The following ATG9A variants were observed in gnomAD, a reference collection of about 807,000 sequenced individuals.
ATG9A encodes autophagy-related protein 9A.
A neutral mutation model predicts 87.1 loss-of-function variants in ATG9A; 21 were observed. The observed-to-expected ratio is 0.24, with a 90% CI of 0.17 to 0.35. The LOEUF is 0.35. Among genes scored for constraint, ATG9A ranks in the 10% least tolerant of loss-of-function variants. The pLI is 1.00. For synonymous variants in ATG9A, 422 were observed against 441.3 expected (o/e 0.96, Z 0.55); for missense variants, 836 against 1,107.3 (o/e 0.76, Z 3.48).
chr2:219,221,040 C>A (rs1339742269), intron 14 of ATG9A, 40 bp downstream of exon 14: 5 of 1,605,944 alleles, frequency 3.1e-6, no homozygotes, highest in Middle Eastern at 3.3e-4. Flanking sequence ...AACCACCCTT[C>A]CCTGCAGCCT....
At position 219,223,716 on chromosome 2, in the gene ATG9A, G is replaced by C; in HGVS notation, c.1468C>G (p.Leu490Val). 6.2e-7 allele frequency: 1 copy of C among 1,613,720 alleles called. No individual in the cohort carries two copies. Among genetic ancestry groups the C allele is most frequent in the South Asian group, 1.1e-5 (1 of 91,084 alleles). ...GCCCGTGGGCGCAGGCAGAAGATGA[G>C]GATGAGGGGTGTGACAATGGGGCTC... The part of the protein sequence containing the change: ...LLSPIVTPLI[L>V]IFCLRPRALE... The change falls in exon 10 of 16, where the codon CTC becomes GTC. Residue 490 changes from leucine to valine, a missense_variant. By Grantham distance (32) the Leu-to-Val change is conservative. Transcript: ENST00000361242. This position sits in a 1 kb window ranked among gnomAD's most constrained non-coding sequence, Gnocchi z 4.7.
Position 219,224,035 on chromosome 2 carries a change from G to A in ATG9A, c.1266-13C>T, listed in dbSNP as rs1254784784. 1 of 1,607,072 alleles carries A rather than the reference G, an allele frequency of 6.2e-7. No individual in the cohort carries two copies. Among genetic ancestry groups the A allele is most frequent in the Non-Finnish European group, 8.5e-7 (1 of 1,175,896 alleles). On this transcript the variant is annotated splice_polypyrimidine_tract_variant and intron_variant, in intron 8 of 15. Transcript: ENST00000361242. The surrounding 1 kb of genome is among the most constrained non-coding windows in gnomAD (Gnocchi z 7.7). The stretch of plus-strand genomic sequence containing the variant: ...CGGGATAAAGGACCTAGTGGGATCA[G>A]GATCATGGTGAGATGTATGCCTTTC...
chr2:219,220,482 T>C (rs748305674), intron 15 of ATG9A, 30 bp from the exon 16 acceptor site: 21 of 1,613,220 alleles, frequency 1.3e-5, no homozygotes, highest in South Asian at 1.1e-4. Flanking sequence ...GTAATGGAGA[T>C]AGTCTTCAGC....
chr2:219,222,122 T>C lies in ATG9A; in HGVS notation c.2073A>G (p.Gly691=). ...CTGACAGCACCAGGCTCTGCAGCTG[T>C]CCTTCCCACACGCTGCTCCCGGAGC... ...TASSGSSVWE[G]QLQSLVLSEY... The change falls in exon 13 of 16, where the codon GGA becomes GGG. Residue 691 remains glycine (G), a synonymous_variant. Coordinates refer to ENST00000361242, the MANE Select transcript of ATG9A (RefSeq NM_001077198.3). This position sits in a 1 kb window ranked among gnomAD's most constrained non-coding sequence, Gnocchi z 4.3. 6.2e-7 allele frequency: 1 copy of C among 1,614,056 alleles called. No individual in the cohort carries two copies. Among genetic ancestry groups the C allele is most frequent in the Non-Finnish European group, 8.5e-7 (1 of 1,180,022 alleles).
chr2:219,225,869 T>C (rs960919252), intron 5 of ATG9A, among the ~76,000 whole-genome samples: 1 of 152,280 alleles, frequency 6.6e-6, no homozygotes, highest in African/African-American at 2.4e-5. Flanking sequence ...CAGTCTCTGA[T>C]TTCCTTTTGA....
At position 219,224,221 on chromosome 2, in the gene ATG9A, C is replaced by T. The variant is rs376440161; in HGVS notation, c.1150G>A (p.Ala384Thr). Reference sequence around the variant, plus strand: ...ATAAGCACAGCCAGGATGGAGCCAGCGAAGAAGGCTCCATTCTTGGCCAGC... The same window carrying T: ...ATAAGCACAGCCAGGATGGAGCCAGTGAAGAAGGCTCCATTCTTGGCCAGC... ...TLLAKNGAFF[A>T]GSILAVLIAL... The change falls in exon 8 of 16, where the codon GCT becomes ACT. Residue 384 changes from alanine (A) to threonine (T), a missense_variant. Coordinates refer to ENST00000361242, the MANE Select transcript of ATG9A (RefSeq NM_001077198.3). The surrounding 1 kb of genome is among the most constrained non-coding windows in gnomAD (Gnocchi z 7.7). 6.2e-6 allele frequency: 10 copies of T among 1,613,702 alleles called. No individual in the cohort carries two copies. Among genetic ancestry groups the T allele is most frequent in the African/African-American group, 1.3e-5 (1 of 74,920 alleles).
At position 219,223,909 on chromosome 2, in the gene ATG9A, T is replaced by C. The variant is rs772524490; in HGVS notation, c.1379A>G (p.Gln460Arg). The part of the protein sequence containing the change: ...DHWQGNAHRS[Q>R]TRDEFAQLFQ... ...GAGCTGGGCAAACTCGTCCCGGGTC[T>C]GCGAGCGGTGGGCATTACCCTGCCA... Residue 460 changes from glutamine to arginine, a missense_variant, in exon 9 of 16, where the codon CAG (glutamine) becomes CGG (arginine). Around this residue, in one of 2 missense-constraint regions of ATG9A, gnomAD observed 512 missense variants for 759.6 expected, o/e 0.67. Transcript: ENST00000361242. The surrounding 1 kb of genome is among the most constrained non-coding windows in gnomAD (Gnocchi z 4.7). 1.9e-6 allele frequency: 3 copies of C among 1,614,076 alleles called. No individual in the cohort carries two copies. The African/African-American group carries it at 4.0e-5, about 22-fold the overall frequency.
chr2:219,223,858 A>T lies in ATG9A; in HGVS notation c.1419+11T>A. 6.2e-7 allele frequency: 1 copy of T among 1,613,638 alleles called. No individual in the cohort carries two copies. The highest frequency in any genetic ancestry group is 8.5e-7 in the Non-Finnish European group (1 of 1,179,924). ...CAGTCTCTAGCAGGCCCTAACTCCA[A>T]CTCCACTCACTGCCTTGTACTGGAA... On this transcript the variant is annotated intron_variant, in intron 9 of 15. Coordinates refer to ENST00000361242, the MANE Select transcript of ATG9A (RefSeq NM_001077198.3). The surrounding 1 kb of genome is among the most constrained non-coding windows in gnomAD (Gnocchi z 4.7).
intron 6 of ATG9A, 60 bp from the exon 7 acceptor site, chr2:219,225,272 C>T (rs937682989): frequency 3.4e-5 from 54 of 1,609,458 alleles, no homozygotes; most frequent in Non-Finnish European, 3.6e-5. Context: ...TTGGCAGAGA[C>T]GCTGCTATCC....
At position 219,224,306 on chromosome 2, in the gene ATG9A, G is replaced by A. The variant is rs377110782; in HGVS notation, c.1065C>T (p.Asn355=). The A allele has an allele frequency of 8.1e-6, 13 of 1,613,678 alleles. No individual in the cohort carries two copies. Among genetic ancestry groups the A allele is most frequent in the Non-Finnish European group, 1.0e-5 (12 of 1,180,050 alleles). ...ACTTGGAGGCGGGCTTGTAGCCACG[G>A]TTGAGGCGGGACTGCAGCTCGTGCT... The part of the protein sequence containing the change: ...ELEHELQSRL[N]RGYKPASKYM... Residue 355 remains asparagine, a synonymous_variant, in exon 8 of 16, where the codon AAC becomes AAT. Transcript: ENST00000361242. The surrounding 1 kb of genome is among the most constrained non-coding windows in gnomAD (Gnocchi z 7.7).
rs909439150 is a variant in ATG9A at position 219,226,521 on chromosome 2, C to T, written c.212+348G>A. 4.7e-5 allele frequency among the ~76,000 whole-genome samples: 4 copies of T among 85,724 alleles called. No individual in the cohort carries two copies. The Admixed American group carries it at 5.7e-4, about 12-fold the overall frequency. The allele number at this position is 85,724 out of a possible 152,430, so 56.2% of individuals were successfully genotyped here. ...CCAACTTGGTGAAATCCCATCTCTACTAAAAATACAAAAAAAATTAGCCGG... is the reference window on the plus strand; with the variant it reads ...CCAACTTGGTGAAATCCCATCTCTATTAAAAATACAAAAAAAATTAGCCGG... On this transcript the variant is annotated intron_variant, in intron 5 of 15. Coordinates refer to ENST00000361242, the MANE Select transcript of ATG9A (RefSeq NM_001077198.3).
rs766008146 is a variant in ATG9A at position 219,225,442 on chromosome 2, C to A, written c.343G>T (p.Ala115Ser). 2 of 1,614,158 alleles carry A rather than the reference C, an allele frequency of 1.2e-6. No individual in the cohort carries two copies. The highest frequency in any genetic ancestry group is 1.7e-6 in the Non-Finnish European group (2 of 1,180,016). Residue 115 changes from alanine to serine, a missense_variant, in exon 6 of 16, where the codon GCC (alanine) becomes TCC (serine). Ala to Ser is a moderately conservative substitution (Grantham distance 99, BLOSUM62 1). Transcript: ENST00000361242. Reference sequence around the variant, plus strand: ...CTACAGACTTGAGCAGGCAAAAAGGCGTCTGGCAGAGTGACCTTGACGGGT... The same window carrying A: ...CTACAGACTTGAGCAGGCAAAAAGGAGTCTGGCAGAGTGACCTTGACGGGT... ...TEPVKVTLPD[A>S]FLPAQVCSAR...
At chr2:219,225,949 C>G (rs1950852188) in intron 5 of ATG9A, among the ~76,000 whole-genome samples, 1 of 152,210 alleles carries the variant, frequency 6.6e-6, no homozygotes, top group Non-Finnish European at 1.5e-5. Flanking sequence ...TCCCCTTCGG[C>G]AATGCTATAT....
At chr2:219,221,951 G>A in intron 13 of ATG9A, 99 bp downstream of exon 13, 8 of 1,018,886 alleles carry the variant, frequency 7.9e-6, no homozygotes, top group South Asian at 1.5e-5. Flanking sequence ...TATGGGAGTG[G>A]AGGTGGCAGA....
chr2:219,227,907 T>C lies in ATG9A; in HGVS notation c.103+15A>G. ...CCATCAACTCTCCCTATGGCTGTCA[T>C]ATCCAAGAACTCACACTTGCTCCCC... On this transcript the variant is annotated intron_variant, in intron 3 of 15. Transcript: ENST00000361242. The C allele has an allele frequency of 6.2e-7, 1 of 1,613,828 alleles. No individual in the cohort carries two copies. The highest frequency in any genetic ancestry group is 1.1e-5 in the South Asian group (1 of 91,074).
chr2:219,229,145 C>G lies in ATG9A; in HGVS notation c.-82+390G>C, dbSNP rs1243494977. ...AGTGTGGACCAGGGCCCGTGGAGCC[C>G]CGGCCGGCTGGGCCTGGGCTCAGGG... On this transcript the variant is annotated intron_variant, in intron 1 of 15. Transcript: ENST00000361242. This position sits in a 1 kb window ranked among gnomAD's most constrained non-coding sequence, Gnocchi z 4.2. 6.6e-6 allele frequency: 1 copy of G among 152,180 alleles called. No individual in the cohort carries two copies. Among genetic ancestry groups the G allele is most frequent in the Non-Finnish European group, 1.5e-5 (1 of 68,048 alleles). 9.4% of individuals were successfully genotyped at this position (152,180 alleles called of 1,614,324 possible). A position where few individuals can be genotyped will look rare whatever the true frequency, so the allele number is the denominator to read the frequency against.
rs1484084326 is a variant in ATG9A, at chr2:219,220,847, G to A, written c.2414C>T (p.Pro805Leu). The A allele has an allele frequency of 6.2e-7, 1 of 1,613,372 alleles. No homozygotes were observed. The highest frequency in any genetic ancestry group is 8.5e-7 in the Non-Finnish European group (1 of 1,179,974). Residue 805 changes from proline (P) to leucine (L), a missense_variant, in exon 15 of 16, where the codon CCT becomes CTT. Transcript: ENST00000361242. Reference sequence around the variant, plus strand: ...CCCATCTTCTGCCCACCCTCCAAGAGGCAGCCGAGAGAAATGAGAGGGAAC... The same window carrying A: ...CCCATCTTCTGCCCACCCTCCAAGAAGCAGCCGAGAGAAATGAGAGGGAAC... ...PRVPSHFSRL[P>L]LGGWAEDGQS... is the part of the protein sequence containing the mutation.
Position 219,223,981 on chromosome 2 carries a change from T to C in ATG9A, c.1307A>G (p.Gln436Arg), listed in dbSNP as rs1950815226. 1.2e-6 allele frequency: 2 copies of C among 1,613,882 alleles called. No individual in the cohort carries two copies. The highest frequency in any genetic ancestry group is 1.7e-6 in the Non-Finnish European group (2 of 1,179,850). ...GTGAGCGAGGATCACGCGGAGCAGC[T>C]GCTCAGGGCAGAACACCATGTGCTG... is the stretch of plus-strand genomic sequence containing the variant. ...PDQHMVFCPE[Q>R]LLRVILAHIH... Residue 436 changes from glutamine (Q) to arginine (R), a missense_variant, in exon 9 of 16, where the codon CAG (glutamine) becomes CGG (arginine). By Grantham distance (43) the Gln-to-Arg change is conservative (BLOSUM62 1). This residue lies in a region of ATG9A where 512 missense variants were observed against 759.6 expected (regional missense o/e 0.67). Transcript: ENST00000361242. The surrounding 1 kb of genome is among the most constrained non-coding windows in gnomAD (Gnocchi z 4.7).
rs199702618 is a variant in ATG9A at position 219,220,760 on chromosome 2, G to C, written c.2501C>G (p.Pro834Arg). The part of the protein sequence containing the change: ...PEEGSEDELP[P>R]QVHKV ...CGGGGCCCTTACCTTGTGCACCTGA[G>C]GGGGTAGCTCATCCTCCGAGCCCTC... Residue 834 changes from proline (P) to arginine (R), a missense_variant, in exon 15 of 16, where the codon CCT becomes CGT. By Grantham distance (103) the Pro-to-Arg change is moderately radical (BLOSUM62 -2). Around this residue, in one of 2 missense-constraint regions of ATG9A, gnomAD observed 324 missense variants for 347.6 expected, o/e 0.93. Transcript: ENST00000361242. 6.2e-7 allele frequency: 1 copy of C among 1,613,364 alleles called. No homozygotes were observed.
Sources: gnomAD v4.1 joint callset for allele counts (sites outside exome capture counted in the v4.1 genomes callset) on GRCh38, gnomAD v4.1.1 for gene constraint, gnomAD v4.1.1 regional missense constraint, Gnocchi (gnomAD v3.1) non-coding constraint, MANE v1.5 for transcripts, NCBI Gene and HGNC (gene_info 2026-07-23, HGNC 2026-07-21) for gene names.